MAGI2: variants seen among roughly 807,000 people sequenced by gnomAD.
MAGI2 encodes the protein membrane-associated guanylate kinase, WW and PDZ domain-containing protein 2.
A neutral mutation model predicts 133.3 loss-of-function variants in MAGI2; 35 were observed. The ratio of observed to expected loss-of-function variants is 0.26; its 90% CI spans 0.20 to 0.35. MAGI2 has a LOEUF of 0.35. MAGI2 is among the 10% of genes least tolerant of loss of function. The probability of loss-of-function intolerance (pLI) is 1.00; values close to 1 mark genes in which losing one functional copy is unlikely to be tolerated. For synonymous variants in MAGI2, 729 were observed against 710.6 expected (o/e 1.03, Z -0.41); for missense variants, 1,636 against 1,863.4 (o/e 0.88, Z 2.25).
intron 2 of MAGI2, among the ~76,000 whole-genome samples, chr7:78,825,744 T>G (rs1790569948): frequency 6.6e-6 from 1 of 152,184 alleles, no homozygotes; most frequent in Non-Finnish European, 1.5e-5. Context: ...ATAATGCATG[T>G]AAGCCTGTCA....
intron 2 of MAGI2, among the ~76,000 whole-genome samples, chr7:78,645,023 C>A (rs567476437): frequency 3.1e-4 from 47 of 150,992 alleles, no homozygotes; most frequent in Admixed American, 6.0e-4. Flanking sequence ...ATGAAATGAA[C>A]AAAATTTTTG....
At chr7:78,361,851 A>G (rs1792848862) in intron 7 of MAGI2, among the ~76,000 whole-genome samples, 1 of 152,198 alleles carries the variant, frequency 6.6e-6, no homozygotes, top group Non-Finnish European at 1.5e-5. Context: ...TTCTGCTAGA[A>G]TGAGCCAGCA....
At chr7:78,218,424 T>G (rs577364587) in intron 10 of MAGI2, among the ~76,000 whole-genome samples, 1 of 152,380 alleles carries the variant, frequency 6.6e-6, no homozygotes, top group Non-Finnish European at 1.5e-5. Context: ...TGTTTTATTT[T>G]GGTTTTAATC....
intron 9 of MAGI2, among the ~76,000 whole-genome samples, chr7:78,326,334 C>T (rs1016088498): frequency 2.6e-5 from 4 of 152,234 alleles, no homozygotes; most frequent in Admixed American, 1.3e-4. Flanking sequence ...CTGATCTCTC[C>T]ACATGACATC....
chr7:78,570,661 T>C (rs1472823081), intron 3 of MAGI2, among the ~76,000 whole-genome samples: 1 of 152,140 alleles, frequency 6.6e-6, no homozygotes, highest in East Asian at 1.9e-4. Context: ...AAATTTACTT[T>C]GAGAAATGCT....
intron 1 of MAGI2, among the ~76,000 whole-genome samples, chr7:79,368,704 C>T (rs1842876418): frequency 6.6e-6 from 1 of 151,024 alleles, no homozygotes; most frequent in African/African-American, 2.4e-5. Flanking sequence ...AAAAATTAGC[C>T]GGGCGTAGTG....
chr7:78,618,339 G>A (rs564484966), intron 3 of MAGI2: 5 of 151,890 alleles, frequency 3.3e-5, no homozygotes, highest in Non-Finnish European at 7.4e-5. Flanking sequence ...GTCAGATCCA[G>A]TGAATATATT....
intron 9 of MAGI2, among the ~76,000 whole-genome samples, chr7:78,258,203 C>T (rs769528393): frequency 3.6e-4 from 55 of 152,222 alleles, no homozygotes; most frequent in African/African-American, 1.1e-3. Flanking sequence ...CGTGGGTCCA[C>T]GGCTCAGAAC....
At chr7:78,768,290 A>G (rs900879460) in intron 2 of MAGI2, among the ~76,000 whole-genome samples, 5 of 152,174 alleles carry the variant, frequency 3.3e-5, no homozygotes, top group African/African-American at 1.2e-4. Flanking sequence ...TGTTTTCATT[A>G]TATCACCTCA....
chr7:79,362,618 T>G (rs1842438265), intron 1 of MAGI2, among the ~76,000 whole-genome samples: 1 of 152,024 alleles, frequency 6.6e-6, no homozygotes, highest in African/African-American at 2.4e-5. Flanking sequence ...ATTTCAGGTA[T>G]GTAAGGCTAG....
At chr7:79,337,668 T>C (rs1211824032) in intron 1 of MAGI2, among the ~76,000 whole-genome samples, 2 of 152,086 alleles carry the variant, frequency 1.3e-5, no homozygotes, top group African/African-American at 2.4e-5. Context: ...CTTAAAAAAA[T>C]ACAATAGTGA....
chr7:78,804,433 A>C (rs1431828045), intron 2 of MAGI2, among the ~76,000 whole-genome samples: 1 of 151,724 alleles, frequency 6.6e-6, no homozygotes, highest in Non-Finnish European at 1.5e-5. Flanking sequence ...AAACAAAATA[A>C]AACTAAACTA....
intron 2 of MAGI2, among the ~76,000 whole-genome samples, chr7:78,628,552 G>T (rs1489245451): frequency 6.6e-6 from 1 of 151,666 alleles, no homozygotes; most frequent in African/African-American, 2.4e-5. Context: ...ATTTGATTTT[G>T]GATAAAAATG....
At chr7:78,613,237 C>T (rs1806668043) in intron 3 of MAGI2, among the ~76,000 whole-genome samples, 1 of 152,116 alleles carries the variant, frequency 6.6e-6, no homozygotes, top group South Asian at 2.1e-4. Context: ...ACAAAATGCC[C>T]ATGAGCATGC....
At chr7:79,377,342 C>T (rs1011193222) in intron 1 of MAGI2, among the ~76,000 whole-genome samples, 8 of 151,722 alleles carry the variant, frequency 5.3e-5, no homozygotes, top group South Asian at 2.1e-4. Context: ...TCAAACTACA[C>T]GGTAGTCTTG....
At chr7:78,147,627 GA>G (rs1209943321) in intron 16 of MAGI2, among the ~76,000 whole-genome samples, 7 of 152,146 alleles carry the variant, frequency 4.6e-5, no homozygotes, top group Middle Eastern at 3.4e-3. Flanking sequence ...AATTATACTG[GA>G]GGGGGAAGAG....
intron 2 of MAGI2, chr7:78,901,386 A>G (rs923740102): frequency 1.3e-5 from 2 of 152,196 alleles, no homozygotes; most frequent in Non-Finnish European, 2.9e-5. Context: ...AATGATTTAA[A>G]AAATAAAATT....
intron 1 of MAGI2, among the ~76,000 whole-genome samples, chr7:79,211,141 T>C (rs746913396): frequency 7.2e-5 from 11 of 152,212 alleles, no homozygotes; most frequent in Non-Finnish European, 1.3e-4. Flanking sequence ...TAAAGAGGCA[T>C]GTGTGAATAT....
chr7:79,257,417 G>C (rs1022134412), intron 1 of MAGI2, among the ~76,000 whole-genome samples: 9 of 152,054 alleles, frequency 5.9e-5, no homozygotes, highest in Non-Finnish European at 1.5e-5. Context: ...CCAAACTGTA[G>C]AGTTCATCTT....
Sources: allele counts gnomAD v4.1 joint callset (sites outside exome capture counted in the v4.1 genomes callset), GRCh38; gene constraint gnomAD v4.1.1; transcripts MANE v1.5; gene names NCBI Gene and HGNC (gene_info 2026-07-23, HGNC 2026-07-21).